EML4: variants seen among roughly 807,000 people sequenced by gnomAD.
The protein encoded by EML4 is EMAP like 4, also known as echinoderm microtubule-associated protein-like 4.
Under a neutral mutation model 129.0 loss-of-function variants are expected in EML4, and 72 were observed. The observed-to-expected ratio is 0.56, with a 90% CI of 0.46 to 0.68. The LOEUF is 0.68. Ranked by LOEUF, EML4 falls within the 30% of genes least tolerant of loss-of-function variation. The pLI is 0.00. For missense variants in EML4, 1,363 were observed against 1,190.6 expected (o/e 1.14, Z -2.13); for synonymous variants, 532 against 405.0 (o/e 1.31, Z -3.77).
intron 19 of EML4, among the ~76,000 whole-genome samples, chr2:42,321,132 C>CCAG (rs1235525559): frequency 6.6e-6 from 1 of 151,814 alleles, no homozygotes; most frequent in Non-Finnish European, 1.5e-5. Context: ...ACTTGTAATC[C>CCAG]CAGCACATTG....
intron 1 of EML4, among the ~76,000 whole-genome samples, chr2:42,180,009 A>C (rs1027547275): frequency 6.6e-6 from 1 of 152,224 alleles, no homozygotes; most frequent in Non-Finnish European, 1.5e-5. Context: ...AGATGTTAAT[A>C]ATAGGTTAAT....
chr2:42,207,708 T>C (rs949029834), intron 1 of EML4, among the ~76,000 whole-genome samples: 1 of 152,198 alleles, frequency 6.6e-6, no homozygotes, highest in Non-Finnish European at 1.5e-5. Flanking sequence ...CTGCTTACTT[T>C]CTGGTCTTCA....
At chr2:42,286,472 T>C in intron 10 of EML4, 93 bp downstream of exon 10, 40 of 715,464 alleles carry the variant, frequency 5.6e-5, no homozygotes, top group Non-Finnish European at 9.6e-5. Flanking sequence ...CATGAAGTGA[T>C]AATCCTGAGT....
Position 42,330,091 on chromosome 2 carries a change from G to A in EML4, c.2830G>A (p.Glu944Lys), listed in dbSNP as rs764573145. ...AGACCACAGCGAGGAGGAGAGTGAA[G>A]AGGGCAGCGGAGACCTTGGTGAGCC... ...SEDHSEEESE[E>K]GSGDLGEPLY... The change falls in exon 23 of 23, where the codon GAG (glutamate) becomes AAG (lysine). Residue 944 changes from glutamate to lysine, a missense_variant. Glu to Lys is a moderately conservative substitution (Grantham distance 56). Coordinates refer to ENST00000318522, the MANE Select transcript of EML4 (RefSeq NM_019063.5). 2 of 1,612,986 alleles carry A rather than the reference G, an allele frequency of 1.2e-6. No individual in the cohort carries two copies. The highest frequency in any genetic ancestry group is 1.7e-6 in the Non-Finnish European group (2 of 1,179,878).
chr2:42,330,315 G>A lies in EML4; in HGVS notation c.*108G>A. ...GAGAATCACTGTTGATTGAGATTTT[G>A]GTTTCCATGTGATTTGTTTTCTTCA... is the stretch of plus-strand genomic sequence containing the variant. On this transcript the variant is annotated 3_prime_UTR_variant, in exon 23 of 23. Coordinates refer to ENST00000318522, the MANE Select transcript of EML4 (RefSeq NM_019063.5). 1 of 1,030,138 alleles carries A rather than the reference G, an allele frequency of 9.7e-7. No homozygotes were observed. The highest frequency in any genetic ancestry group is 1.5e-6 in the Non-Finnish European group (1 of 675,872). The allele number at this position is 1,030,138 out of a possible 1,614,324, so 63.8% of individuals were successfully genotyped here.
intron 1 of EML4, among the ~76,000 whole-genome samples, chr2:42,197,771 A>G (rs893153263): frequency 2.0e-5 from 3 of 152,238 alleles, no homozygotes; most frequent in African/African-American, 4.8e-5. Context: ...TTAAGCCAGT[A>G]AGTGTGTCAT....
At chr2:42,247,045 G>A (rs750096168) in intron 2 of EML4, among the ~76,000 whole-genome samples, 1 of 152,136 alleles carries the variant, frequency 6.6e-6, no homozygotes, top group East Asian at 1.9e-4. Flanking sequence ...AGCTAGGAGA[G>A]GATGCTATGT....
chr2:42,222,454 C>G lies in EML4; in HGVS notation c.26-23051C>G, dbSNP rs188445439. ...CTAATTTCAGTGTCCATAAATAAAGCTTTACTGGAACATAGCCATACACAT... is the reference window on the plus strand; with the variant it reads ...CTAATTTCAGTGTCCATAAATAAAGGTTTACTGGAACATAGCCATACACAT... On this transcript the variant is annotated intron_variant, in intron 1 of 22. Transcript: ENST00000318522. 2.0e-5 allele frequency among the ~76,000 whole-genome samples: 3 copies of G among 152,192 alleles called. No individual in the cohort carries two copies. The East Asian group carries it at 5.8e-4, about 29-fold the overall frequency.
intron 1 of EML4, among the ~76,000 whole-genome samples, chr2:42,227,234 A>G (rs189638973): frequency 2.6e-5 from 4 of 151,526 alleles, no homozygotes; most frequent in Admixed American, 6.6e-5. Flanking sequence ...CTCAGCCCCC[A>G]CAGCCTGCCC....
At chr2:42,222,144 C>A (rs1030299613) in intron 1 of EML4, among the ~76,000 whole-genome samples, 1 of 151,980 alleles carries the variant, frequency 6.6e-6, no homozygotes, top group Non-Finnish European at 1.5e-5. Flanking sequence ...AATTTCTCAG[C>A]CCTATTAATA....
intron 1 of EML4, among the ~76,000 whole-genome samples, chr2:42,237,282 A>G (rs1427883650): frequency 1.3e-5 from 2 of 152,100 alleles, no homozygotes; most frequent in Non-Finnish European, 2.9e-5. Context: ...TATCTTTCCC[A>G]TGTGTATGGA....
intron 11 of EML4, among the ~76,000 whole-genome samples, chr2:42,291,552 T>A (rs981985094): frequency 2.6e-5 from 4 of 151,972 alleles, no homozygotes; most frequent in African/African-American, 9.7e-5. Context: ...TACAGGCGTG[T>A]GCCACCATGC....
At chr2:42,329,691 G>GA in intron 22 of EML4, 43 bp from the exon 23 acceptor site, 1 of 1,537,734 alleles carries the variant, frequency 6.5e-7, no homozygotes, top group Non-Finnish European at 8.9e-7. Context: ...GGCATGTCAA[G>GA]AATGAGTTTA....
intron 20 of EML4, chr2:42,325,902 A>T (rs1669785962): frequency 6.4e-6 from 1 of 156,746 alleles, no homozygotes; most frequent in African/African-American, 2.4e-5. Flanking sequence ...CTTCTCCTGG[A>T]GGCAGGGAGG....
intron 1 of EML4, among the ~76,000 whole-genome samples, chr2:42,235,151 C>T (rs1674583960): frequency 1.3e-5 from 2 of 152,098 alleles, no homozygotes; most frequent in South Asian, 4.1e-4. Flanking sequence ...CAGAAATTAG[C>T]CGGGTGTGCT....
At chr2:42,173,287 G>A (rs1039380759) in intron 1 of EML4, among the ~76,000 whole-genome samples, 1 of 151,984 alleles carries the variant, frequency 6.6e-6, no homozygotes, top group African/African-American at 2.4e-5. Flanking sequence ...TGTTTTTCAT[G>A]TAATATTTGG....
intron 19 of EML4, among the ~76,000 whole-genome samples, chr2:42,321,956 C>G (rs1282072218): frequency 6.6e-6 from 1 of 152,094 alleles, no homozygotes; most frequent in Admixed American, 6.5e-5. Context: ...TTCTAGATAA[C>G]CTGATAAAGA....
At chr2:42,260,055 G>C (rs1265979966) in intron 3 of EML4, among the ~76,000 whole-genome samples, 2 of 150,222 alleles carry the variant, frequency 1.3e-5, no homozygotes, top group Admixed American at 6.6e-5. Flanking sequence ...TAAAGAGACA[G>C]AGTCTCACTT....
chr2:42,330,404 A>G lies in EML4; in HGVS notation c.*197A>G, dbSNP rs1287281988. On this transcript the variant is annotated 3_prime_UTR_variant, in exon 23 of 23. Transcript: ENST00000318522. ...AAGTTTTAGTTTGGTGTTTATTGAA[A>G]ATTAACCAAACTTAATACTAGGAGA... 6.1e-6 allele frequency: 4 copies of G among 659,964 alleles called. No homozygotes were observed. Among genetic ancestry groups the G allele is most frequent in the African/African-American group, 1.8e-5 (1 of 55,892 alleles). The allele number at this position is 659,964 out of a possible 1,614,324, so 40.9% of individuals were successfully genotyped here.
Sources: gnomAD v4.1 joint callset for allele counts (sites outside exome capture counted in the v4.1 genomes callset) on GRCh38, gnomAD v4.1.1 for gene constraint, MANE v1.5 for transcripts, NCBI Gene and HGNC (gene_info 2026-07-23, HGNC 2026-07-21) for gene names.